Variants in CNTNAP4 observed in about 807,000 individuals in gnomAD.
CNTNAP4 encodes contactin associated protein family member 4, also known as contactin-associated protein-like 4.
Under a neutral mutation model 148.4 loss-of-function variants are expected in CNTNAP4, and 98 were observed. That is an observed-to-expected ratio of 0.66 (90% CI 0.56 to 0.78). The LOEUF (loss-of-function observed/expected upper bound fraction) is 0.78. Among genes scored for constraint, CNTNAP4 ranks in the 30% least tolerant of loss-of-function variants. The probability of loss-of-function intolerance (pLI) is 0.00; values close to 1 mark genes in which losing one functional copy is unlikely to be tolerated. For missense variants in CNTNAP4, 1,935 were observed against 1,565.6 expected, an observed-to-expected ratio of 1.24 and a Z score of -3.98; for synonymous variants, 730 against 565.1, an observed-to-expected ratio of 1.29 and a Z score of -4.14.
chr16:76,377,355 A>G (rs2015525364), intron 3 of CNTNAP4, among the ~76,000 whole-genome samples: 1 of 152,198 alleles, frequency 6.6e-6, no homozygotes, highest in Admixed American at 6.5e-5. Context: ...CATCACAAAG[A>G]TGGAAAGTGT....
rs574112680 is a variant in CNTNAP4 at position 76,472,096 on chromosome 16, A to G, written c.1656-3843A>G. Among the ~76,000 whole-genome samples, 12 of 149,942 alleles carry G rather than the reference A, an allele frequency of 8.0e-5. No individual in the cohort carries two copies. In the South Asian group the frequency reaches 1.0e-3, roughly 13 times the overall value. ...TTCACAAGCAATGGAAAGGATGGCA[A>G]TGTCCAAGGAAAAGCTTTCGTGGCT... On this transcript the variant is annotated intron_variant, in intron 10 of 23. Coordinates refer to ENST00000611870, the MANE Select transcript of CNTNAP4 (RefSeq NM_033401.5).
chr16:76,503,986 A>G (rs1214699028), intron 15 of CNTNAP4, among the ~76,000 whole-genome samples: 10 of 152,176 alleles, frequency 6.6e-5, no homozygotes. Flanking sequence ...TTTATGAATT[A>G]AAAGATTTGA....
At chr16:76,414,978 G>A (rs968162044) in intron 3 of CNTNAP4, among the ~76,000 whole-genome samples, 4 of 149,006 alleles carry the variant, frequency 2.7e-5, no homozygotes, top group African/African-American at 9.9e-5. Context: ...CCCTAATTTT[G>A]GTAATTTTTC....
intron 10 of CNTNAP4, among the ~76,000 whole-genome samples, chr16:76,473,574 C>A (rs1358144824): frequency 6.6e-6 from 1 of 152,026 alleles, no homozygotes; most frequent in African/African-American, 2.4e-5. Context: ...GAGATCGAGA[C>A]CATCCTGGCT....
At chr16:76,289,492 A>G (rs985572834) in intron 1 of CNTNAP4, among the ~76,000 whole-genome samples, 1 of 151,456 alleles carries the variant, frequency 6.6e-6, no homozygotes, top group African/African-American at 2.4e-5. Context: ...TTTGCCTACA[A>G]ACATATGCAA....
chr16:76,299,674 T>C (rs978822435), intron 1 of CNTNAP4, among the ~76,000 whole-genome samples: 2 of 152,184 alleles, frequency 1.3e-5, no homozygotes, highest in Non-Finnish European at 2.9e-5. Context: ...TAAATCATGC[T>C]GCTATAAAGA....
chr16:76,283,460 G>A (rs141049714), intron 1 of CNTNAP4, among the ~76,000 whole-genome samples: 35 of 152,048 alleles, frequency 2.3e-4, no homozygotes, highest in Middle Eastern at 3.4e-3. Flanking sequence ...CATATACACC[G>A]TGGAATACTA....
intron 2 of CNTNAP4, among the ~76,000 whole-genome samples, chr16:76,332,135 C>A (rs1285183736): frequency 6.6e-6 from 1 of 152,202 alleles, no homozygotes; most frequent in South Asian, 2.1e-4. Flanking sequence ...TTTTCTTTGT[C>A]TTTGACTTAC....
rs1362514168 is a variant in CNTNAP4 at position 76,540,784 on chromosome 16, A to T, written c.3436A>T (p.Ile1146Phe). The T allele has an allele frequency of 1.3e-6, 2 of 1,561,584 alleles. No homozygotes were observed. The highest frequency in any genetic ancestry group is 4.7e-5 in the East Asian group (2 of 42,696). ...AGTCAAATCTCTGGTATTGGGCAGG[A>T]TTTTAGGTAAGTGAAAGAAACAACC... ...SAVKSLVLGR[I>F]LEHSDVDQDT... Residue 1146 changes from isoleucine (I) to phenylalanine (F), a missense_variant, in exon 21 of 24, where the codon ATT (isoleucine) becomes TTT (phenylalanine). Ile to Phe is a conservative substitution (Grantham distance 21). Transcript: ENST00000611870.
chr16:76,323,647 T>G (rs899728517), intron 2 of CNTNAP4, among the ~76,000 whole-genome samples: 3 of 152,196 alleles, frequency 2.0e-5, no homozygotes, highest in African/African-American at 7.2e-5. Flanking sequence ...TGGTTCCCTC[T>G]TGGCTTTCGA....
chr16:76,422,837 C>G (rs1363666438), intron 3 of CNTNAP4, among the ~76,000 whole-genome samples: 6 of 152,124 alleles, frequency 3.9e-5, no homozygotes, highest in Admixed American at 3.9e-4. Flanking sequence ...ATGTTGAAAA[C>G]ATTTAAATTG....
intron 5 of CNTNAP4, 132 bp downstream of exon 5, chr16:76,448,347 A>G: frequency 3.2e-6 from 2 of 634,262 alleles, no homozygotes; most frequent in Non-Finnish European, 5.4e-6. Context: ...TACATATGTC[A>G]ATATTGCTCT....
At chr16:76,409,973 A>G (rs932849735) in intron 3 of CNTNAP4, among the ~76,000 whole-genome samples, 7 of 151,908 alleles carry the variant, frequency 4.6e-5, no homozygotes, top group Non-Finnish European at 1.0e-4. Flanking sequence ...CTTAATTTGG[A>G]TATCAGACTT....
chr16:76,498,865 G>A (rs147154366), intron 15 of CNTNAP4, among the ~76,000 whole-genome samples, 171 bp downstream of exon 15: 2 of 152,040 alleles, frequency 1.3e-5, no homozygotes, highest in African/African-American at 4.8e-5. Context: ...CAAATTCATA[G>A]ACAGAAAGTA....
At chr16:76,357,389 A>T (rs1265453730) in intron 3 of CNTNAP4, among the ~76,000 whole-genome samples, 1 of 152,222 alleles carries the variant, frequency 6.6e-6, no homozygotes, top group East Asian at 1.9e-4. Flanking sequence ...AAACCCAGGC[A>T]CTGCCATTTA....
intron 10 of CNTNAP4, 69 bp from the exon 11 acceptor site, chr16:76,475,870 G>A (rs1597666700): frequency 1.9e-6 from 2 of 1,043,156 alleles, no homozygotes; most frequent in Non-Finnish European, 3.0e-6. Flanking sequence ...TCATGACCAA[G>A]TATAAATGGT....
chr16:76,377,151 T>TTTTTTTTCATATATTGAGACCTTCAC (rs2015502543), intron 3 of CNTNAP4, among the ~76,000 whole-genome samples: 1 of 151,910 alleles, frequency 6.6e-6, no homozygotes, highest in Non-Finnish European at 1.5e-5. Context: ...GAAGTCAGTC[T>TTTTTTTTCATATATTGAGACCTTCAC]TTTTTTTCAT....
chr16:76,391,847 T>C (rs1444548314), intron 3 of CNTNAP4, among the ~76,000 whole-genome samples: 1 of 152,228 alleles, frequency 6.6e-6, no homozygotes, highest in Non-Finnish European at 1.5e-5. Flanking sequence ...AGTCAGAATC[T>C]GCATTTTAAT....
intron 1 of CNTNAP4, among the ~76,000 whole-genome samples, chr16:76,285,500 C>T (rs1958843497): frequency 1.3e-5 from 2 of 151,808 alleles, no homozygotes; most frequent in South Asian, 4.2e-4. Context: ...TTATTAAGTA[C>T]CTCTCATTAC....
Sources: gnomAD v4.1 joint callset for allele counts (sites outside exome capture counted in the v4.1 genomes callset) on GRCh38, gnomAD v4.1.1 for gene constraint, MANE v1.5 for transcripts, NCBI Gene and HGNC (gene_info 2026-07-23, HGNC 2026-07-21) for gene names.